Variants in RALGAPA2 observed in about 807,000 individuals in gnomAD.
RALGAPA2 encodes the protein ral GTPase-activating protein subunit alpha-2.
In RALGAPA2, 139 loss-of-function variants were observed where a neutral mutation model predicts 230.4. The ratio of observed to expected loss-of-function variants is 0.60; its 90% confidence interval spans 0.53 to 0.69. The LOEUF is 0.69. Among genes scored for constraint, RALGAPA2 ranks in the 30% least tolerant of loss-of-function variants. The probability of loss-of-function intolerance (pLI) is 0.00; values close to 1 mark genes in which losing one functional copy is unlikely to be tolerated. For synonymous variants in RALGAPA2, 847 were observed against 837.8 expected, an observed-to-expected ratio of 1.01 and a Z score of -0.19; for missense variants, 2,163 against 2,276.0, an observed-to-expected ratio of 0.95 and a Z score of 1.01.
chr20:20,426,098 G>A (rs981372844), intron 37 of RALGAPA2, among the ~76,000 whole-genome samples: 4 of 152,224 alleles, frequency 2.6e-5, no homozygotes, highest in African/African-American at 7.2e-5. Context: ...CCAGATGAGC[G>A]TGGAGAATAT....
At position 20,563,596 on chromosome 20, in the gene RALGAPA2, T is replaced by C. The variant is rs2064322480; in HGVS notation, c.3156+7862A>G. On this transcript the variant is annotated intron_variant, in intron 23 of 39. Coordinates refer to ENST00000202677, the MANE Select transcript of RALGAPA2 (RefSeq NM_020343.4). Reference sequence around the variant, plus strand: ...GGATGCACCCATTTGGCCTGTCCTATGCTATAATGTCCAAGGTGAGGAAGG... The same window carrying C: ...GGATGCACCCATTTGGCCTGTCCTACGCTATAATGTCCAAGGTGAGGAAGG... Among the ~76,000 whole-genome samples, 7 of 152,300 alleles carry C rather than the reference T, an allele frequency of 4.6e-5. No homozygotes were observed. The South Asian group carries it at 1.5e-3, about 32-fold the overall frequency.
chr20:20,516,867 G>A (rs1291818785), intron 31 of RALGAPA2, among the ~76,000 whole-genome samples: 1 of 152,182 alleles, frequency 6.6e-6, no homozygotes, highest in East Asian at 1.9e-4. Context: ...ACACCCCATG[G>A]GACAAAAGAA....
intron 37 of RALGAPA2, among the ~76,000 whole-genome samples, chr20:20,453,172 T>G (rs553331868): frequency 6.6e-6 from 1 of 152,368 alleles, no homozygotes; most frequent in East Asian, 1.9e-4. Flanking sequence ...GAATAAAATA[T>G]GTGAGGTTCT....
intron 36 of RALGAPA2, among the ~76,000 whole-genome samples, chr20:20,486,742 G>A (rs958568795): frequency 7.9e-5 from 12 of 152,100 alleles, no homozygotes; most frequent in Non-Finnish European, 2.9e-5. Context: ...ACAGGTCTTG[G>A]AAGTTCTGTT....
At chr20:20,566,770 C>G (rs937960465) in intron 23 of RALGAPA2, among the ~76,000 whole-genome samples, 1 of 152,192 alleles carries the variant, frequency 6.6e-6, no homozygotes, top group African/African-American at 2.4e-5. Context: ...AAAGCCAAGA[C>G]AGGAAATCAG....
chr20:20,511,271 A>G lies in RALGAPA2; in HGVS notation c.4911T>C (p.Asn1637=). 2 of 1,572,140 alleles carry G rather than the reference A, an allele frequency of 1.3e-6. No homozygotes were observed. Among genetic ancestry groups the G allele is most frequent in the East Asian group, 2.3e-5 (1 of 43,688 alleles). ...TCACATACCACTGGCGGGAGTCCAA[A>G]TTTTTCAGCTCTCTCAATAATTTTG... The part of the protein sequence containing the change: ...KNSKLLRELK[N]LDSRQCRETH... Residue 1637 remains asparagine (N), a synonymous_variant, in exon 33 of 40, where the codon AAT becomes AAC. Coordinates refer to ENST00000202677, the MANE Select transcript of RALGAPA2 (RefSeq NM_020343.4).
chr20:20,607,851 G>A (rs1237645343), intron 14 of RALGAPA2, among the ~76,000 whole-genome samples: 1 of 152,206 alleles, frequency 6.6e-6, no homozygotes, highest in Non-Finnish European at 1.5e-5. Context: ...CATGTATGCA[G>A]ACCTGTTGAA....
At chr20:20,582,357 T>C (rs886140797) in intron 20 of RALGAPA2, among the ~76,000 whole-genome samples, 1 of 152,082 alleles carries the variant, frequency 6.6e-6, no homozygotes, top group East Asian at 1.9e-4. Context: ...ATTAAATAAC[T>C]AGCTCAAGGC....
At chr20:20,467,941 A>G (rs184151591) in intron 37 of RALGAPA2, among the ~76,000 whole-genome samples, 8 of 152,146 alleles carry the variant, frequency 5.3e-5, no homozygotes, top group Admixed American at 3.3e-4. Context: ...GGAATATGCT[A>G]TTTCTTCCTC....
rs192983082 is a variant in RALGAPA2, at chr20:20,579,189, A to G, written c.2707+3861T>C. On this transcript the variant is annotated intron_variant, in intron 20 of 39. Coordinates refer to ENST00000202677, the MANE Select transcript of RALGAPA2 (RefSeq NM_020343.4). ...CACACTAAATAAAAGAGATTTTGAA[A>G]TTGTCTTATGTATTATTTCTAAAAA... 2.0e-3 allele frequency among the ~76,000 whole-genome samples: 311 copies of G among 152,294 alleles called. 3 individuals carry two copies. Among genetic ancestry groups the G allele is most frequent in the African/African-American group, 7.2e-3 (301 of 41,572 alleles).
chr20:20,457,411 A>AATTT (rs1390094903), intron 37 of RALGAPA2, among the ~76,000 whole-genome samples: 1 of 152,210 alleles, frequency 6.6e-6, no homozygotes, highest in African/African-American at 2.4e-5. Context: ...GATCTTATAA[A>AATTT]AGCTGAAATT....
intron 37 of RALGAPA2, among the ~76,000 whole-genome samples, chr20:20,448,833 C>T (rs1433703484): frequency 1.3e-5 from 2 of 150,242 alleles, no homozygotes; most frequent in East Asian, 2.0e-4. Flanking sequence ...GATTTACTTA[C>T]TCAAAAAGCG....
chr20:20,569,060 T>C (rs910045369), intron 23 of RALGAPA2, among the ~76,000 whole-genome samples: 5 of 152,196 alleles, frequency 3.3e-5, no homozygotes, highest in African/African-American at 1.2e-4. Context: ...TTAACTGTAT[T>C]CTCTACCATA....
At chr20:20,698,330 G>A (rs1205889811) in intron 1 of RALGAPA2, among the ~76,000 whole-genome samples, 1 of 151,660 alleles carries the variant, frequency 6.6e-6, no homozygotes, top group Non-Finnish European at 1.5e-5. Context: ...GAGTGCAGTG[G>A]CTCAATCTCG....
At chr20:20,705,302 G>A (rs140616109) in intron 1 of RALGAPA2, among the ~76,000 whole-genome samples, 1 of 152,082 alleles carries the variant, frequency 6.6e-6, no homozygotes, top group East Asian at 1.9e-4. Flanking sequence ...GACCTTCTGG[G>A]CCCAAGTGAT....
intron 37 of RALGAPA2, among the ~76,000 whole-genome samples, chr20:20,465,559 T>C (rs2061403433): frequency 6.6e-6 from 1 of 152,148 alleles, no homozygotes; most frequent in African/African-American, 2.4e-5. Context: ...CTGTTCCTGA[T>C]ATTCCCCTAG....
intron 36 of RALGAPA2, among the ~76,000 whole-genome samples, chr20:20,480,060 A>G (rs1174777349): frequency 6.6e-6 from 1 of 152,240 alleles, no homozygotes; most frequent in Non-Finnish European, 1.5e-5. Flanking sequence ...GAAAGTTACA[A>G]AACTTTATTC....
At chr20:20,411,773 A>G (rs921151546) in intron 38 of RALGAPA2, among the ~76,000 whole-genome samples, 1 of 152,340 alleles carries the variant, frequency 6.6e-6, no homozygotes, top group African/African-American at 2.4e-5. Context: ...ACCGGAGCAC[A>G]TTACTGAGAA....
chr20:20,637,363 C>A lies in RALGAPA2; in HGVS notation c.805G>T (p.Asp269Tyr). Residue 269 changes from aspartate to tyrosine, a missense_variant and splice_region_variant, in exon 8 of 40, where the codon GAC (aspartate) becomes TAC (tyrosine). Transcript: ENST00000202677. ...TATACACGGCTCCAACAGTACTTAC[C>A]AAGTACAGGTTTGTAGATGTTTGTT... ...KLTNIYKPVLDIPHLRPKPVY... is the reference protein window; with the variant it reads ...KLTNIYKPVLYIPHLRPKPVY... The A allele has an allele frequency of 6.3e-7, 1 of 1,596,582 alleles. No individual in the cohort carries two copies. Among genetic ancestry groups the A allele is most frequent in the South Asian group, 1.1e-5 (1 of 88,650 alleles).
Sources: allele counts gnomAD v4.1 joint callset (sites outside exome capture counted in the v4.1 genomes callset), GRCh38; gene constraint gnomAD v4.1.1; transcripts MANE v1.5; gene names NCBI Gene and HGNC (gene_info 2026-07-23, HGNC 2026-07-21).